The following CYTIP variants were observed in gnomAD, a reference collection of about 807,000 sequenced individuals.
CYTIP encodes cytohesin 1 interacting protein, also known as cytohesin-interacting protein.
In CYTIP, 26 loss-of-function variants were observed where a neutral mutation model predicts 43.8. That is an observed-to-expected ratio of 0.59 (90% confidence interval 0.44 to 0.82). The LOEUF (loss-of-function observed/expected upper bound fraction) is 0.82. Ranked by LOEUF, CYTIP falls within the 40% of genes least tolerant of loss-of-function variation. The pLI is 0.00. For synonymous variants in CYTIP, 162 were observed against 162.9 expected, an observed-to-expected ratio of 0.99 and a Z score of 0.04; for missense variants, 426 against 443.1, an observed-to-expected ratio of 0.96 and a Z score of 0.35.
chr2:157,430,179 A>G (rs1265458949), intron 5 of CYTIP, among the ~76,000 whole-genome samples: 2 of 152,184 alleles, frequency 1.3e-5, no homozygotes, highest in African/African-American at 4.8e-5. Flanking sequence ...GGAAAAACTC[A>G]GCCCTTCTGA....
Position 157,417,330 on chromosome 2 carries a change from C to T in CYTIP, c.614-1187G>A, listed in dbSNP as rs116872686. On this transcript the variant is annotated intron_variant, in intron 7 of 7. Coordinates refer to ENST00000264192, the MANE Select transcript of CYTIP (RefSeq NM_004288.5). ...TAGAATCACATGCCCTGGATGTTTA[C>T]TATACATCTAGAAAAAGCAGAACTC... Among the ~76,000 whole-genome samples, 55 of 152,238 alleles carry T rather than the reference C, an allele frequency of 3.6e-4. No individual in the cohort carries two copies. In the East Asian group the frequency reaches 0.01, roughly 29 times the overall value.
In CYTIP at chr2:157,416,048, G is replaced by A. The variant is rs538136043; in HGVS notation, c.709C>T (p.Arg237Trp). The A allele has an allele frequency of 1.5e-5, 24 of 1,614,026 alleles. No individual in the cohort carries two copies. The highest frequency in any genetic ancestry group is 3.3e-5 in the South Asian group (3 of 91,088). The change falls in exon 8 of 8, where the codon CGG (arginine) becomes TGG (tryptophan). Residue 237 changes from arginine (R) to tryptophan (W), a missense_variant. By Grantham distance (101) the Arg-to-Trp change is moderately radical. Transcript: ENST00000264192. ...LPGPGPALVDRNRLSSESSCK... is the reference protein window; with the variant it reads ...LPGPGPALVDWNRLSSESSCK... Reference sequence around the variant, plus strand: ...CTGCTCTCACTGGATAATCGATTCCGGTCCACAAGGGCTGGGCCTGGCCCA... The same window carrying A: ...CTGCTCTCACTGGATAATCGATTCCAGTCCACAAGGGCTGGGCCTGGCCCA...
Position 157,417,696 on chromosome 2 carries a change from TA to T in CYTIP, c.613+826del, listed in dbSNP as rs547700908. On this transcript the variant is annotated intron_variant, in intron 7 of 7. Transcript: ENST00000264192. ...TACATAAGTTTCAAACACTTCAATT[TA>T]AAAAAAAAAAAACAGAAGTTCATAC... Among the ~76,000 whole-genome samples the T allele has an allele frequency of 1.0e-3, 145 of 142,306 alleles. 1 individual carries two copies. The highest frequency in any genetic ancestry group is 2.1e-3 in the African/African-American group (81 of 39,380). 93.4% of individuals were successfully genotyped at this position (142,306 alleles called of 152,430 possible). A position where few individuals can be genotyped will look rare whatever the true frequency, so the allele number is the denominator to read the frequency against.
intron 1 of CYTIP, among the ~76,000 whole-genome samples, chr2:157,439,663 A>G (rs568676857): frequency 1.3e-5 from 2 of 152,304 alleles, no homozygotes; most frequent in Non-Finnish European, 2.9e-5. Context: ...TTTATTACAC[A>G]TTATCTAATA....
At chr2:157,429,522 A>G (rs533005489) in intron 5 of CYTIP, among the ~76,000 whole-genome samples, 37 of 152,322 alleles carry the variant, frequency 2.4e-4, no homozygotes, top group African/African-American at 7.9e-4. Context: ...ATTTCCTTCC[A>G]TAACTATTAA....
At chr2:157,430,814 T>G (rs780203469) in intron 4 of CYTIP, 46 bp downstream of exon 4, 5 of 1,542,182 alleles carry the variant, frequency 3.2e-6, no homozygotes, top group Non-Finnish European at 4.4e-6. Flanking sequence ...CATTTTATTT[T>G]CTTTCCATTT....
intron 6 of CYTIP, among the ~76,000 whole-genome samples, chr2:157,420,384 C>A (rs1685502848): frequency 6.6e-6 from 1 of 151,994 alleles, no homozygotes; most frequent in Non-Finnish European, 1.5e-5. Context: ...GGTGTGATGG[C>A]AGGCATCTGT....
intron 7 of CYTIP, 97 bp downstream of exon 7, chr2:157,418,426 T>C: frequency 7.8e-7 from 1 of 1,282,080 alleles, no homozygotes; most frequent in Non-Finnish European, 1.1e-6. Context: ...ACTAGACAAA[T>C]TTTTCTTATA....
At chr2:157,424,050 A>G (rs1685564458) in intron 6 of CYTIP, among the ~76,000 whole-genome samples, 1 of 152,208 alleles carries the variant, frequency 6.6e-6, no homozygotes, top group African/African-American at 2.4e-5. Context: ...AATTTCCTTT[A>G]AAATCAAGAA....
At chr2:157,439,019 A>G (rs1192475887) in intron 1 of CYTIP, 14 of 312,634 alleles carry the variant, frequency 4.5e-5, no homozygotes, top group Non-Finnish European at 6.5e-5. Context: ...TGAAGCCTCT[A>G]TAGATATTTC....
chr2:157,426,634 G>C (rs545570159), intron 6 of CYTIP, among the ~76,000 whole-genome samples: 1 of 152,294 alleles, frequency 6.6e-6, no homozygotes, highest in South Asian at 2.1e-4. Context: ...CTACCTGGTT[G>C]CTCTGCAAGG....
chr2:157,420,866 G>A (rs1394374091), intron 6 of CYTIP, among the ~76,000 whole-genome samples: 1 of 152,106 alleles, frequency 6.6e-6, no homozygotes, highest in African/African-American at 2.4e-5. Flanking sequence ...ATAGGGATAG[G>A]TCAACAGTAA....
At chr2:157,417,296 A>G (rs748774843) in intron 7 of CYTIP, among the ~76,000 whole-genome samples, 6 of 152,202 alleles carry the variant, frequency 3.9e-5, no homozygotes, top group Non-Finnish European at 8.8e-5. Context: ...TTGGAGAGCA[A>G]TTGCCTTATA....
chr2:157,418,305 G>C (rs559264359), intron 7 of CYTIP, among the ~76,000 whole-genome samples: 10 of 152,284 alleles, frequency 6.6e-5, no homozygotes, highest in Admixed American at 5.2e-4. Flanking sequence ...GTGTGCATGT[G>C]CATCTGCGTC....
chr2:157,425,366 T>A (rs1276247436), intron 6 of CYTIP, among the ~76,000 whole-genome samples: 6 of 152,092 alleles, frequency 3.9e-5, no homozygotes. Flanking sequence ...ACAGCAAACA[T>A]ATCAAAACGA....
chr2:157,418,393 A>G (rs1404236401), intron 7 of CYTIP, 130 bp downstream of exon 7: 1 of 818,016 alleles, frequency 1.2e-6, no homozygotes, highest in East Asian at 2.8e-5. Context: ...CCAAAGAAAC[A>G]CAGACCCATT....
chr2:157,429,913 C>G (rs963575844), intron 5 of CYTIP, among the ~76,000 whole-genome samples: 2 of 151,034 alleles, frequency 1.3e-5, no homozygotes, highest in African/African-American at 2.4e-5. Flanking sequence ...GTCCCAGCTA[C>G]TAGGGAGGCT....
intron 6 of CYTIP, among the ~76,000 whole-genome samples, chr2:157,422,670 C>CAAAAAAA (rs967207257): frequency 1.5e-5 from 1 of 64,548 alleles, no homozygotes; most frequent in African/African-American, 6.1e-5. Flanking sequence ...AACTCTGTCT[C>CAAAAAAA]AAAAAAAAAA....
chr2:157,421,072 G>GGC (rs1685515365), intron 6 of CYTIP, among the ~76,000 whole-genome samples: 1 of 152,204 alleles, frequency 6.6e-6, no homozygotes, highest in Non-Finnish European at 1.5e-5. Context: ...GTAAAGAGCA[G>GGC]ATGTGTCAAA....
Sources: allele counts gnomAD v4.1 joint callset (sites outside exome capture counted in the v4.1 genomes callset), GRCh38; gene constraint gnomAD v4.1.1; transcripts MANE v1.5; gene names NCBI Gene and HGNC (gene_info 2026-07-23, HGNC 2026-07-21).